NLGN4X: variants seen among roughly 807,000 people sequenced by gnomAD.
NLGN4X encodes the protein neuroligin-4, X-linked.
A neutral mutation model predicts 40.3 loss-of-function variants in NLGN4X; 3 were observed. That is an observed-to-expected ratio of 0.07 (90% CI 0.03 to 0.19). The LOEUF is 0.19. Ranked by LOEUF, NLGN4X falls within the 10% of genes least tolerant of loss-of-function variation. NLGN4X has a pLI of 1.00. For missense variants in NLGN4X, 382 were observed against 708.3 expected (o/e 0.54, Z 5.23); for synonymous variants, 270 against 306.8 (o/e 0.88, Z 1.25).
intron 2 of NLGN4X, among the ~76,000 whole-genome samples, chrX:6,036,976 T>C (rs1231023367): frequency 4.5e-5 from 5 of 111,739 alleles, no homozygotes; most frequent in Non-Finnish European, 7.5e-5. Flanking sequence ...CTATTTAAAA[T>C]AGCACTTTAT....
chrX:6,137,427 AT>A (rs905816429), intron 2 of NLGN4X, among the ~76,000 whole-genome samples: 3 of 111,905 alleles, frequency 2.7e-5, no homozygotes, highest in Non-Finnish European at 5.6e-5. Flanking sequence ...GACATAAACA[AT>A]TTTTTTGAGA....
At chrX:6,197,728 C>T (rs1024255783) in intron 1 of NLGN4X, among the ~76,000 whole-genome samples, 2 of 110,363 alleles carry the variant, frequency 1.8e-5, no homozygotes, top group Non-Finnish European at 3.8e-5. Flanking sequence ...GATAGATTTT[C>T]AATAGTCAAC....
At chrX:6,221,066 T>C (rs898282971) in intron 1 of NLGN4X, among the ~76,000 whole-genome samples, 2 of 108,646 alleles carry the variant, frequency 1.8e-5, no homozygotes, top group Non-Finnish European at 3.8e-5. Flanking sequence ...GTACATTTTC[T>C]ATTTTTATTT....
intron 3 of NLGN4X, among the ~76,000 whole-genome samples, chrX:5,999,640 G>A (rs925552475): frequency 2.7e-5 from 3 of 112,220 alleles, no homozygotes; most frequent in Non-Finnish European, 5.6e-5. Context: ...GAAAGTAAAC[G>A]ATGAGATATC....
intron 3 of NLGN4X, among the ~76,000 whole-genome samples, chrX:5,930,039 T>C (rs1296439141): frequency 1.8e-5 from 2 of 112,116 alleles, no homozygotes. Flanking sequence ...TCACCTCTCA[T>C]AGGAGGGTCT....
At chrX:6,062,016 A>G (rs1056257244) in intron 2 of NLGN4X, among the ~76,000 whole-genome samples, 16 of 111,289 alleles carry the variant, frequency 1.4e-4, no homozygotes, top group Non-Finnish European at 1.9e-5. Flanking sequence ...CTAGGCTGAC[A>G]TTTTTTCTCT....
chrX:5,929,673 A>G (rs998381015), intron 3 of NLGN4X, among the ~76,000 whole-genome samples: 5 of 112,437 alleles, frequency 4.4e-5, no homozygotes, highest in Non-Finnish European at 5.6e-5. Flanking sequence ...GTTGAATAAT[A>G]TAAGGGAAAA....
At chrX:5,986,851 T>C (rs769329564) in intron 3 of NLGN4X, among the ~76,000 whole-genome samples, 7 of 111,795 alleles carry the variant, frequency 6.3e-5, no homozygotes, top group African/African-American at 2.3e-4. Context: ...AATAGAACTT[T>C]TATACTGCCA....
chrX:6,186,973 C>T (rs1332716215), intron 1 of NLGN4X: 2 of 110,354 alleles, frequency 1.8e-5, no homozygotes, highest in African/African-American at 6.6e-5. Context: ...AATATAAACT[C>T]TAACCAGGCT....
At chrX:5,917,705 G>A (rs932350893) in intron 3 of NLGN4X, among the ~76,000 whole-genome samples, 1 of 111,028 alleles carries the variant, frequency 9.0e-6, no homozygotes, top group African/African-American at 3.3e-5. Context: ...ATGAATATCA[G>A]AAGCCATGCA....
At chrX:5,928,195 G>A (rs2090188859) in intron 3 of NLGN4X, among the ~76,000 whole-genome samples, 1 of 112,405 alleles carries the variant, frequency 8.9e-6, no homozygotes, top group Non-Finnish European at 1.9e-5. Flanking sequence ...TTTAATAGTT[G>A]TGTTATATAA....
intron 5 of NLGN4X, among the ~76,000 whole-genome samples, chrX:5,898,635 G>A: frequency 9.0e-6 from 1 of 110,852 alleles, no homozygotes; most frequent in Non-Finnish European, 1.9e-5. Context: ...GTATGTCCTG[G>A]CACAATGCGA....
At chrX:6,196,677 C>CTGCCCT (rs1277935226) in intron 1 of NLGN4X, among the ~76,000 whole-genome samples, 1 of 108,310 alleles carries the variant, frequency 9.2e-6, no homozygotes, top group African/African-American at 3.3e-5. Context: ...TTCACAGTTG[C>CTGCCCT]TGCCCTTGAG....
intron 1 of NLGN4X, among the ~76,000 whole-genome samples, chrX:6,175,888 G>A (rs895633823): frequency 1.8e-5 from 2 of 110,576 alleles, no homozygotes; most frequent in Non-Finnish European, 3.8e-5. Flanking sequence ...ACCTCATTTG[G>A]AGGGTAGATC....
At chrX:6,061,997 C>CG (rs1234779476) in intron 2 of NLGN4X, among the ~76,000 whole-genome samples, 1 of 111,901 alleles carries the variant, frequency 8.9e-6, no homozygotes, top group Non-Finnish European at 1.9e-5. Flanking sequence ...TAGATACCAT[C>CG]GACACTATCT....
chrX:6,112,766 T>C (rs1240704171), intron 2 of NLGN4X, among the ~76,000 whole-genome samples: 1 of 109,519 alleles, frequency 9.1e-6, no homozygotes, highest in Non-Finnish European at 1.9e-5. Context: ...TTCTTAAGTG[T>C]AGGCTGCACG....
intron 2 of NLGN4X, among the ~76,000 whole-genome samples, chrX:6,123,331 A>C (rs752060732): frequency 2.7e-5 from 3 of 111,926 alleles, no homozygotes; most frequent in Middle Eastern, 4.6e-3. Context: ...AGCAAGTACA[A>C]GGGAAAGAAA....
At chrX:5,986,771 C>A (rs1013791354) in intron 3 of NLGN4X, among the ~76,000 whole-genome samples, 1 of 111,834 alleles carries the variant, frequency 8.9e-6, no homozygotes, top group East Asian at 2.8e-4. Flanking sequence ...ATGGAAATGT[C>A]TCAACCTCAG....
chrX:6,051,620 A>G (rs1481198443), intron 2 of NLGN4X, among the ~76,000 whole-genome samples: 1 of 111,292 alleles, frequency 9.0e-6, no homozygotes, highest in East Asian at 2.8e-4. Context: ...AGGCTCCAGA[A>G]GAAACCAACC....
Sources: allele counts gnomAD v4.1 joint callset (sites outside exome capture counted in the v4.1 genomes callset), GRCh38; gene constraint gnomAD v4.1.1; transcripts MANE v1.5; gene names NCBI Gene and HGNC (gene_info 2026-07-23, HGNC 2026-07-21).